MACF1: variants seen among roughly 807,000 people sequenced by gnomAD.
MACF1 encodes the protein microtubule actin crosslinking factor 1.
In MACF1, 193 loss-of-function variants were observed where a neutral mutation model predicts 854.8. That is an observed-to-expected ratio of 0.23 (90% confidence interval 0.20 to 0.25). The LOEUF (loss-of-function observed/expected upper bound fraction) is 0.25, where lower values mean the gene tolerates loss of function less well. Ranked by LOEUF, MACF1 falls within the 10% of genes least tolerant of loss-of-function variation. The pLI is 1.00. For synonymous variants in MACF1, 3,185 were observed against 3,226.7 expected, an observed-to-expected ratio of 0.99 and a Z score of 0.44; for missense variants, 7,722 against 8,929.1, an observed-to-expected ratio of 0.86 and a Z score of 5.45.
chr1:39,442,492 C>A lies in MACF1; in HGVS notation c.19029C>A (p.Thr6343=), dbSNP rs759429322. 15 of 1,613,930 alleles carry A rather than the reference C, an allele frequency of 9.3e-6. No homozygotes were observed. The highest frequency in any genetic ancestry group is 1.3e-5 in the Non-Finnish European group (15 of 1,179,964). The change falls in exon 77 of 101, where the codon ACC becomes ACA. Residue 6343 remains threonine (T), a synonymous_variant. Coordinates refer to ENST00000564288, the MANE Select transcript of MACF1 (RefSeq NM_001394062.1). The part of the protein sequence containing the change: ...LEELMSWLTH[T]EELLDAQRPI... ...AACTAATGAGTTGGCTGACTCATAC[C>A]GAAGAGTTGTTAGATGCTCAGAGAC...
chr1:39,324,575 A>G, intron 34 of MACF1, 71 bp from the exon 35 acceptor site: 2 of 1,320,464 alleles, frequency 1.5e-6, no homozygotes, highest in South Asian at 2.7e-5. Context: ...ATTTAAAAAA[A>G]TAATTTTAAA....
At chr1:39,101,924 C>G (rs1442081281) in intron 2 of MACF1, among the ~76,000 whole-genome samples, 2 of 151,736 alleles carry the variant, frequency 1.3e-5, no homozygotes, top group East Asian at 3.9e-4. Context: ...CGCCTGTAAT[C>G]CCAGCACTTT....
chr1:39,437,955 G>C lies in MACF1; in HGVS notation c.18167G>C (p.Gly6056Ala), dbSNP rs927761148. 6.2e-7 allele frequency: 1 copy of C among 1,614,116 alleles called. No individual in the cohort carries two copies. Among genetic ancestry groups the C allele is most frequent in the Admixed American group, 1.7e-5 (1 of 60,020 alleles). Residue 6056 changes from glycine to alanine, a missense_variant, in exon 71 of 101, where the codon GGA (glycine) becomes GCA (alanine). Coordinates refer to ENST00000564288, the MANE Select transcript of MACF1 (RefSeq NM_001394062.1). ...TCCTTTGAGGCCTTGAAGCGCCGTG[G>C]AGAGGAGCTTATTGGACGATCTCAG... ...QPSFEALKRRGEELIGRSQGA... is the reference protein window; with the variant it reads ...QPSFEALKRRAEELIGRSQGA...
intron 97 of MACF1, among the ~76,000 whole-genome samples, chr1:39,476,431 G>A (rs55855120): frequency 0.075 from 11,468 of 152,094 alleles, 603 homozygotes; most frequent in Admixed American, 0.11. Context: ...TTAGCCAAGC[G>A]TGGTGGCCAC....
At chr1:39,192,661 GTCTA>G (rs770364775) in intron 2 of MACF1, among the ~76,000 whole-genome samples, 1 of 152,160 alleles carries the variant, frequency 6.6e-6, no homozygotes, top group African/African-American at 2.4e-5. Context: ...AGTCTTCTGT[GTCTA>G]TCTATCTTTG....
chr1:39,184,834 G>A (rs1644146498), intron 2 of MACF1, among the ~76,000 whole-genome samples: 1 of 152,144 alleles, frequency 6.6e-6, no homozygotes, highest in Non-Finnish European at 1.5e-5. Context: ...TCTGCCTCAG[G>A]TTTCAGGCCT....
At chr1:39,480,247 C>G in intron 98 of MACF1, 1 of 483,290 alleles carries the variant, frequency 2.1e-6, no homozygotes, top group Non-Finnish European at 3.7e-6. Flanking sequence ...ATGCACTCAG[C>G]CTGGTTATGT....
chr1:39,189,270 G>A (rs1303269363), intron 2 of MACF1, among the ~76,000 whole-genome samples: 4 of 152,174 alleles, frequency 2.6e-5, no homozygotes, highest in Non-Finnish European at 5.9e-5. Context: ...GCACTTAGCA[G>A]AGAGAAAGAA....
At chr1:39,317,577 G>A (rs1205231351) in intron 29 of MACF1, among the ~76,000 whole-genome samples, 170 bp downstream of exon 29, 3 of 152,116 alleles carry the variant, frequency 2.0e-5, no homozygotes, top group African/African-American at 7.2e-5. Context: ...AGGTGAGACC[G>A]GCAATCTCAA....
intron 58 of MACF1, among the ~76,000 whole-genome samples, chr1:39,403,893 C>T (rs1286455234): frequency 6.6e-6 from 1 of 152,014 alleles, no homozygotes; most frequent in East Asian, 1.9e-4. Flanking sequence ...CTTTGGGAGG[C>T]CGAGGCGGGC....
At chr1:39,146,243 G>T (rs1294023825) in intron 2 of MACF1, among the ~76,000 whole-genome samples, 1 of 152,134 alleles carries the variant, frequency 6.6e-6, no homozygotes, top group African/African-American at 2.4e-5. Context: ...AGGAGTTCAA[G>T]ACAAGCCTGG....
At chr1:39,217,192 A>G (rs1438008897) in intron 1 of MACF1, among the ~76,000 whole-genome samples, 1 of 152,092 alleles carries the variant, frequency 6.6e-6, no homozygotes, top group Non-Finnish European at 1.5e-5. Context: ...GACTAGGCTA[A>G]GTGCTTTCAT....
intron 6 of MACF1, among the ~76,000 whole-genome samples, chr1:39,273,246 C>T (rs1645363280): frequency 6.6e-6 from 1 of 151,310 alleles, no homozygotes; most frequent in African/African-American, 2.4e-5. Context: ...CAGCTATTCG[C>T]CTGCCTCAGC....
intron 40 of MACF1, 96 bp from the exon 41 acceptor site, chr1:39,346,881 A>G: frequency 1.3e-6 from 1 of 796,864 alleles, no homozygotes; most frequent in African/African-American, 1.7e-5. Flanking sequence ...AAATACAGGA[A>G]ATTAGCCTCT....
At chr1:39,109,150 T>G (rs1173031110) in intron 2 of MACF1, among the ~76,000 whole-genome samples, 1 of 152,236 alleles carries the variant, frequency 6.6e-6, no homozygotes, top group Non-Finnish European at 1.5e-5. Context: ...TGGAAAAGAT[T>G]TCTCTCATCT....
At chr1:39,124,608 A>G (rs770403244) in intron 2 of MACF1, among the ~76,000 whole-genome samples, 1 of 152,152 alleles carries the variant, frequency 6.6e-6, no homozygotes, top group African/African-American at 2.4e-5. Flanking sequence ...TTATCTCTCA[A>G]TGAGTACGTT....
At chr1:39,159,636 A>G (rs1643756705) in intron 2 of MACF1, among the ~76,000 whole-genome samples, 1 of 152,262 alleles carries the variant, frequency 6.6e-6, no homozygotes, top group Non-Finnish European at 1.5e-5. Context: ...CTGACCAGAC[A>G]TGAGAAGAAT....
chr1:39,375,330 C>T (rs1460826575), intron 52 of MACF1, among the ~76,000 whole-genome samples: 1 of 151,258 alleles, frequency 6.6e-6, no homozygotes, highest in East Asian at 2.0e-4. Context: ...GAGACGGAGT[C>T]TCGCTCTGTT....
chr1:39,215,898 A>G (rs1307844943), intron 1 of MACF1, among the ~76,000 whole-genome samples: 1 of 152,128 alleles, frequency 6.6e-6, no homozygotes, highest in Admixed American at 6.5e-5. Flanking sequence ...CAGCTGTGAC[A>G]GAGAGAGAAA....
Sources: allele counts gnomAD v4.1 joint callset (sites outside exome capture counted in the v4.1 genomes callset), GRCh38; gene constraint gnomAD v4.1.1; transcripts MANE v1.5; gene names NCBI Gene and HGNC (gene_info 2026-07-23, HGNC 2026-07-21).